The following RIMS2 variants were observed in gnomAD, a reference collection of about 807,000 sequenced individuals.
The protein encoded by RIMS2 is regulating synaptic membrane exocytosis protein 2.
In RIMS2, 59 loss-of-function variants were observed where a neutral mutation model predicts 174.4. The observed-to-expected ratio is 0.34, with a 90% CI of 0.27 to 0.42. The LOEUF is 0.42. RIMS2 is among the 10% of genes least tolerant of loss of function. The pLI is 1.00. For missense variants in RIMS2, 1,620 were observed against 1,666.3 expected (o/e 0.97, Z 0.48); for synonymous variants, 606 against 572.5 (o/e 1.06, Z -0.84).
rs949526044 is a variant in RIMS2 at position 104,128,100 on chromosome 8, T to G, written c.3334+113485T>G. On this transcript the variant is annotated intron_variant, in intron 19 of 23. Transcript: ENST00000504942. ...ACAGGGAGTTTCTTCTGAGGCAATT[T>G]GAAATGATAGCTAATTAATTGTACC... Among the ~76,000 whole-genome samples the G allele has an allele frequency of 5.9e-5, 9 of 152,180 alleles. 1 individual carries two copies. In the South Asian group the frequency reaches 1.9e-3, roughly 32 times the overall value.
chr8:103,814,629 C>A, intron 3 of RIMS2, among the ~76,000 whole-genome samples: 1 of 152,044 alleles, frequency 6.6e-6, no homozygotes, highest in East Asian at 1.9e-4. Context: ...AATCCTAGCA[C>A]TTTGGGAGGC....
In RIMS2 at chr8:103,703,121, A is replaced by G. The variant is rs1310313401; in HGVS notation, c.387+5825A>G. On this transcript the variant is annotated intron_variant, in intron 2 of 23. Coordinates refer to ENST00000504942, the Ensembl canonical transcript of RIMS2. ...CTTGGCCTTTTGAGTATCTGGGACTATGATATGCATCACCATACCTGGCTA... is the reference window on the plus strand; with the variant it reads ...CTTGGCCTTTTGAGTATCTGGGACTGTGATATGCATCACCATACCTGGCTA... Among the ~76,000 whole-genome samples, 7 of 151,768 alleles carry G rather than the reference A, an allele frequency of 4.6e-5. No homozygotes were observed. The East Asian group carries it at 1.4e-3, about 29-fold the overall frequency.
intron 2 of RIMS2, among the ~76,000 whole-genome samples, chr8:103,764,564 T>C (rs1387104626): frequency 6.6e-6 from 1 of 152,210 alleles, no homozygotes; most frequent in African/African-American, 2.4e-5. Context: ...TTCATGTCTA[T>C]TAAAACTAAT....
At chr8:103,883,823 C>T (rs1290492508) in intron 3 of RIMS2, among the ~76,000 whole-genome samples, 1 of 151,790 alleles carries the variant, frequency 6.6e-6, no homozygotes, top group Non-Finnish European at 1.5e-5. Flanking sequence ...TGGGCAAACT[C>T]CTGTTAATTG....
At chr8:103,525,289 T>C (rs957652764) in intron 1 of RIMS2, among the ~76,000 whole-genome samples, 3 of 152,302 alleles carry the variant, frequency 2.0e-5, no homozygotes, top group Non-Finnish European at 4.4e-5. Flanking sequence ...GCAGCAAAAA[T>C]GGCCCCTGTT....
chr8:103,550,549 G>T lies in RIMS2; in HGVS notation c.176+49487G>T, dbSNP rs1012055963. On this transcript the variant is annotated intron_variant, in intron 1 of 23. Coordinates refer to ENST00000504942, the Ensembl canonical transcript of RIMS2. ...CCTAACATCACAAGTAAAAGAACTA[G>T]AGAAGCAAGACCAAACACATTCAAA... Among the ~76,000 whole-genome samples the T allele has an allele frequency of 2.0e-5, 3 of 152,078 alleles. No individual in the cohort carries two copies. In the South Asian group the frequency reaches 6.2e-4, roughly 32 times the overall value.
At chr8:103,555,616 A>T (rs570773655) in intron 1 of RIMS2, among the ~76,000 whole-genome samples, 8 of 152,094 alleles carry the variant, frequency 5.3e-5, no homozygotes, top group Non-Finnish European at 1.2e-4. Context: ...AATCAACCTA[A>T]GGGTTCATCA....
chr8:103,920,876 G>A (rs1282735751), intron 9 of RIMS2: 4 of 342,816 alleles, frequency 1.2e-5, no homozygotes, highest in African/African-American at 4.5e-5. Context: ...GCAGGCGCCT[G>A]TAGTCCCAGC....
intron 1 of RIMS2, among the ~76,000 whole-genome samples, chr8:103,504,702 T>A (rs1822408624): frequency 6.6e-6 from 1 of 152,112 alleles, no homozygotes; most frequent in South Asian, 2.1e-4. Flanking sequence ...TAGGTTAGGA[T>A]AACAATTAGT....
At chr8:103,998,251 G>A in intron 17 of RIMS2, 2 of 1,602,374 alleles carry the variant, frequency 1.2e-6, no homozygotes, top group Admixed American at 1.7e-5. Context: ...GGGATGGCAG[G>A]TATATTTTTC....
At chr8:103,553,365 A>G (rs1018454174) in intron 1 of RIMS2, among the ~76,000 whole-genome samples, 1 of 151,852 alleles carries the variant, frequency 6.6e-6, no homozygotes, top group Non-Finnish European at 1.5e-5. Flanking sequence ...CAAACACTGC[A>G]TGTTCTCACT....
At chr8:104,097,703 G>C (rs1030712975) in intron 19 of RIMS2, among the ~76,000 whole-genome samples, 1 of 151,992 alleles carries the variant, frequency 6.6e-6, no homozygotes, top group South Asian at 2.1e-4. Context: ...CACTCAGAAA[G>C]TTTTGGATTT....
intron 19 of RIMS2, among the ~76,000 whole-genome samples, chr8:104,060,026 A>G (rs1190285295): frequency 6.6e-5 from 10 of 151,840 alleles, no homozygotes; most frequent in Admixed American, 2.6e-4. Context: ...TTGGTCTAAA[A>G]TTCTCTTTTT....
At chr8:104,253,121 T>C (rs2099362890), downstream of RIMS2, 1 of 152,226 alleles carries the variant, frequency 6.6e-6, no homozygotes, top group African/African-American at 2.4e-5. Flanking sequence ...CAGTTTATTG[T>C]ACAGTGCATG....
At chr8:103,711,781 C>T (rs1238907297) in intron 2 of RIMS2, among the ~76,000 whole-genome samples, 1 of 151,928 alleles carries the variant, frequency 6.6e-6, no homozygotes, top group Admixed American at 6.6e-5. Context: ...CCTGTGGTCC[C>T]AGCTACTTGG....
At chr8:103,535,978 C>T (rs16870502) in intron 1 of RIMS2, among the ~76,000 whole-genome samples, 26,771 of 152,122 alleles carry the variant, frequency 0.18, 2,557 homozygotes, top group African/African-American at 0.23. Context: ...AAGCCAAGTC[C>T]ATCTGTCTTC....
chr8:103,510,096 A>G (rs1825744012), intron 1 of RIMS2, among the ~76,000 whole-genome samples: 1 of 152,176 alleles, frequency 6.6e-6, no homozygotes, highest in Admixed American at 6.5e-5. Flanking sequence ...AATCAAGCTT[A>G]TGTTCAGCTC....
chr8:103,606,440 A>G (rs2095086096), intron 1 of RIMS2, among the ~76,000 whole-genome samples: 2 of 151,994 alleles, frequency 1.3e-5, no homozygotes, highest in South Asian at 2.1e-4. Flanking sequence ...CAATTTTGGA[A>G]TAAGTGTGGT....
intron 12 of RIMS2, among the ~76,000 whole-genome samples, chr8:103,934,100 T>G (rs2080666602): frequency 6.6e-6 from 1 of 152,162 alleles, no homozygotes; most frequent in African/African-American, 2.4e-5. Flanking sequence ...AATATATTTC[T>G]TCTTCTAATT....
Sources: allele counts gnomAD v4.1 joint callset (sites outside exome capture counted in the v4.1 genomes callset), GRCh38; gene constraint gnomAD v4.1.1; transcripts MANE v1.5; gene names NCBI Gene and HGNC (gene_info 2026-07-23, HGNC 2026-07-21).